SYMPK: variants seen among roughly 807,000 people sequenced by gnomAD.
SYMPK encodes symplekin scaffold protein.
SYMPK carries 49 observed loss-of-function variants against 136.4 expected under a neutral mutation model. The ratio of observed to expected loss-of-function variants is 0.36; its 90% CI spans 0.29 to 0.46. SYMPK has a LOEUF of 0.46. SYMPK is among the 20% of genes least tolerant of loss of function. The pLI is 1.00. For synonymous variants in SYMPK, 766 were observed against 713.0 expected (o/e 1.07, Z -1.19); for missense variants, 1,365 against 1,690.0 (o/e 0.81, Z 3.37).
chr19:45,835,760 A>G (rs1971287088), intron 10 of SYMPK, among the ~76,000 whole-genome samples: 1 of 152,032 alleles, frequency 6.6e-6, no homozygotes, highest in Admixed American at 6.5e-5. Flanking sequence ...AAAAATACAA[A>G]AATTAGCCTG....
chr19:45,854,047 C>G (rs1971757592), intron 3 of SYMPK, 128 bp downstream of exon 3: 2 of 877,544 alleles, frequency 2.3e-6, no homozygotes, highest in South Asian at 2.9e-5. Flanking sequence ...GAGGCCTGCA[C>G]TGAGCACTGT....
In SYMPK at chr19:45,854,255, A is replaced by C. The variant is rs777438487; in HGVS notation, c.106-15T>G. On this transcript the variant is annotated splice_polypyrimidine_tract_variant and intron_variant, in intron 2 of 26. Transcript: ENST00000245934. ...AGATCCACCACCTGGAAGGAGGGGGAGTGGCAGGGGATAGTGCCAGCCCAG... is the reference window on the plus strand; with the variant it reads ...AGATCCACCACCTGGAAGGAGGGGGCGTGGCAGGGGATAGTGCCAGCCCAG... 6 of 1,613,318 alleles carry C rather than the reference A, an allele frequency of 3.7e-6. No homozygotes were observed. Among genetic ancestry groups the C allele is most frequent in the South Asian group, 1.1e-5 (1 of 91,052 alleles).
In SYMPK at chr19:45,823,751, G is replaced by A. The variant is rs1175562519; in HGVS notation, c.2599+16C>T. 6.2e-7 allele frequency: 1 copy of A among 1,603,764 alleles called. No homozygotes were observed. The highest frequency in any genetic ancestry group is 1.1e-5 in the South Asian group (1 of 90,724). On this transcript the variant is annotated intron_variant, in intron 19 of 26. Transcript: ENST00000245934. ...GAGGGAGGAAAGCCATGAAAGGTGG[G>A]GGTCTCCAGGGTCACCTTTGTCTGT...
chr19:45,857,641 G>A (rs1039565181), intron 1 of SYMPK, among the ~76,000 whole-genome samples: 5 of 150,546 alleles, frequency 3.3e-5, no homozygotes, highest in Non-Finnish European at 7.4e-5. Context: ...ACAGGCGCCT[G>A]CCACCACGCC....
chr19:45,837,650 A>G (rs1397355386), intron 10 of SYMPK, among the ~76,000 whole-genome samples: 2 of 151,222 alleles, frequency 1.3e-5, no homozygotes, highest in East Asian at 3.9e-4. Context: ...ACAAGTTAAC[A>G]GAAGCCAGAT....
intron 11 of SYMPK, 132 bp from the exon 12 acceptor site, chr19:45,831,720 C>T: frequency 1.7e-6 from 1 of 583,362 alleles, no homozygotes; most frequent in South Asian, 4.1e-5. Flanking sequence ...ACAACACTGT[C>T]CTGGAGTGGG....
chr19:45,818,269 C>T lies in SYMPK; in HGVS notation c.2894-123G>A, dbSNP rs1386294825. 7.4e-6 allele frequency: 8 copies of T among 1,074,590 alleles called. No individual in the cohort carries two copies. In the East Asian group the frequency reaches 1.1e-4, roughly 15 times the overall value. The allele number at this position is 1,074,590 out of a possible 1,614,324, so 66.6% of individuals were successfully genotyped here. On this transcript the variant is annotated intron_variant, in intron 22 of 26. Coordinates refer to ENST00000245934, the MANE Select transcript of SYMPK (RefSeq NM_004819.3). ...CTTCTAAAGCCCTGACTTCTAAAGC[C>T]CCTGCGGGAGAGAGGAGACTCCCCC...
At position 45,821,962 on chromosome 19, in the gene SYMPK, T is replaced by G. The variant is rs1970911764; in HGVS notation, c.2792-477A>C. ...GGCTGGTGGAGTGGCTCTTTGCTGCTGCTATTTTGATGGTCCCAGAGCCAT... is the reference window on the plus strand; with the variant it reads ...GGCTGGTGGAGTGGCTCTTTGCTGCGGCTATTTTGATGGTCCCAGAGCCAT... On this transcript the variant is annotated intron_variant, in intron 21 of 26. Coordinates refer to ENST00000245934, the MANE Select transcript of SYMPK (RefSeq NM_004819.3). This position sits in a 1 kb window ranked among gnomAD's most constrained non-coding sequence, Gnocchi z 4.4. Among the ~76,000 whole-genome samples, 1 of 152,106 alleles carries G rather than the reference T, an allele frequency of 6.6e-6. No homozygotes were observed. Among genetic ancestry groups the G allele is most frequent in the African/African-American group, 2.4e-5 (1 of 41,414 alleles).
In SYMPK at chr19:45,848,624, C is replaced by T. The variant is rs1600525266; in HGVS notation, c.426+126G>A. The stretch of plus-strand genomic sequence containing the variant: ...CGTTAGCTCTCCATGTTATCTGTTC[C>T]CACAGACCAGTGGCACATCTTGCCC... On this transcript the variant is annotated intron_variant, in intron 6 of 26. Transcript: ENST00000245934. 2.4e-5 allele frequency: 32 copies of T among 1,343,648 alleles called. 1 individual carries two copies. In the South Asian group the frequency reaches 3.5e-4, roughly 15 times the overall value. 83.2% of individuals were successfully genotyped at this position (1,343,648 alleles called of 1,614,324 possible).
rs562056976 is a variant in SYMPK, at chr19:45,862,031, T to A, written c.-13+1027A>T. ...GCCTGGGCGACAGAGTGAGACCCTG[T>A]CTCAAAAAAAAAAAAAAAGAAAAAG... On this transcript the variant is annotated intron_variant, in intron 1 of 26. Transcript: ENST00000245934. The A allele has an allele frequency of 5.8e-5, 8 of 137,644 alleles. No homozygotes were observed. The East Asian group carries it at 1.6e-3, about 28-fold the overall frequency. The allele number at this position is 137,644 out of a possible 1,614,324, so 8.5% of individuals were successfully genotyped here.
intron 11 of SYMPK, among the ~76,000 whole-genome samples, chr19:45,833,409 G>T (rs1191180019): frequency 1.3e-5 from 2 of 151,826 alleles, no homozygotes; most frequent in East Asian, 1.9e-4. Context: ...AGACCAACCT[G>T]GCTAACACGG....
Position 45,847,821 on chromosome 19 carries a change from T to C in SYMPK, c.607A>G (p.Ile203Val). ...TLSPRMADSEIPRRQEHDISL... is the reference protein window; with the variant it reads ...TLSPRMADSEVPRRQEHDISL... ...ATATCATGCTCCTGGCGTCGGGGTA[T>C]CTCTGAGTCAGCCATGCGGGGTGAC... The change falls in exon 7 of 27, where the codon ATA (isoleucine) becomes GTA (valine). Residue 203 changes from isoleucine to valine, a missense_variant. Ile to Val is a conservative substitution (Grantham distance 29). Coordinates refer to ENST00000245934, the MANE Select transcript of SYMPK (RefSeq NM_004819.3). 2 of 1,614,046 alleles carry C rather than the reference T, an allele frequency of 1.2e-6. No homozygotes were observed. The highest frequency in any genetic ancestry group is 1.7e-6 in the Non-Finnish European group (2 of 1,180,010).
chr19:45,817,864 G>C, intron 23 of SYMPK, 95 bp downstream of exon 23: 4 of 1,293,798 alleles, frequency 3.1e-6, no homozygotes, highest in Non-Finnish European at 2.1e-6. Flanking sequence ...GTCCTCCACC[G>C]GGCTCCCTCC....
At chr19:45,830,298 C>G in intron 12 of SYMPK, 94 bp from the exon 13 acceptor site, 3 of 1,396,610 alleles carry the variant, frequency 2.1e-6, no homozygotes, top group Non-Finnish European at 2.9e-6. Flanking sequence ...AGGTAGGCAA[C>G]AGAGATGGCC....
At chr19:45,861,470 G>A (rs1021450512) in intron 1 of SYMPK, among the ~76,000 whole-genome samples, 1 of 152,166 alleles carries the variant, frequency 6.6e-6, no homozygotes, top group Admixed American at 6.5e-5. Context: ...GCCGGGAGCG[G>A]TGACTCACGC....
intron 14 of SYMPK, 96 bp from the exon 15 acceptor site, chr19:45,828,014 T>TGAG: frequency 1.8e-6 from 2 of 1,097,666 alleles, no homozygotes; most frequent in Non-Finnish European, 2.8e-6. Context: ...CAGCAGGCCC[T>TGAG]CCCTCAGGGG....
chr19:45,826,194 G>C, intron 17 of SYMPK, 32 bp downstream of exon 17: 1 of 1,595,936 alleles, frequency 6.3e-7, no homozygotes, highest in South Asian at 1.1e-5. Context: ...ACACAGCAGC[G>C]CTCAGTATGC....
At chr19:45,829,396 G>C (rs561134933) in intron 13 of SYMPK, among the ~76,000 whole-genome samples, 191 bp from the exon 14 acceptor site, 34 of 152,168 alleles carry the variant, frequency 2.2e-4, no homozygotes, top group Admixed American at 3.9e-4. Flanking sequence ...GGGGTACCAG[G>C]GTGGGGATCG....
Position 45,815,636 on chromosome 19 carries a change from A to G in SYMPK, c.3749T>C (p.Val1250Ala). Reference sequence around the variant, plus strand: ...GGGAGTCTTCATAGCATCTTCTCCAACAGGTGCGAGGGTCTGGGGGCTCCG... The same window carrying G: ...GGGAGTCTTCATAGCATCTTCTCCAGCAGGTGCGAGGGTCTGGGGGCTCCG... ...EERSPQTLAP[V>A]GEDAMKTPSP... Residue 1250 changes from valine (V) to alanine (A), a missense_variant, in exon 27 of 27, where the codon GTT becomes GCT. This residue lies in a region of SYMPK where 341 missense variants were observed against 270.5 expected (regional missense o/e 1.26). Transcript: ENST00000245934. 1 of 1,609,896 alleles carries G rather than the reference A, an allele frequency of 6.2e-7. No individual in the cohort carries two copies. The highest frequency in any genetic ancestry group is 1.3e-5 in the African/African-American group (1 of 74,634).
Sources: gnomAD v4.1 joint callset for allele counts (sites outside exome capture counted in the v4.1 genomes callset) on GRCh38, gnomAD v4.1.1 for gene constraint, gnomAD v4.1.1 regional missense constraint, Gnocchi (gnomAD v3.1) non-coding constraint, MANE v1.5 for transcripts, NCBI Gene and HGNC (gene_info 2026-07-23, HGNC 2026-07-21) for gene names.